The following CDX1 variants were observed in gnomAD, a reference collection of about 807,000 sequenced individuals.
CDX1 encodes the protein homeobox protein CDX-1.
CDX1 carries 9 observed loss-of-function variants against 16.9 expected under a neutral mutation model. The ratio of observed to expected loss-of-function variants is 0.53; its 90% CI spans 0.32 to 0.93. The LOEUF (loss-of-function observed/expected upper bound fraction) is 0.93. CDX1 is among the 40% of genes least tolerant of loss of function. The pLI is 0.04. For missense variants in CDX1, 393 were observed against 386.1 expected, an observed-to-expected ratio of 1.02 and a Z score of -0.15; for synonymous variants, 179 against 179.0, an observed-to-expected ratio of 1.00 and a Z score of 0.00.
intron 1 of CDX1, among the ~76,000 whole-genome samples, chr5:150,180,784 C>G (rs1161630804): frequency 6.6e-6 from 1 of 152,120 alleles, no homozygotes; most frequent in Non-Finnish European, 1.5e-5. Context: ...CACACAAGCC[C>G]AGGCCAAGCA....
At chr5:150,168,797 C>A (rs1019271614) in intron 1 of CDX1, among the ~76,000 whole-genome samples, 8 of 152,210 alleles carry the variant, frequency 5.3e-5, no homozygotes, top group African/African-American at 1.7e-4. Flanking sequence ...GTTCTACTGT[C>A]TGTGAAATTA....
intron 1 of CDX1, among the ~76,000 whole-genome samples, chr5:150,168,643 A>G (rs966276343): frequency 2.6e-5 from 4 of 152,246 alleles, no homozygotes; most frequent in African/African-American, 4.8e-5. Context: ...ACTATGGCAT[A>G]GAGAGTTTAA....
At chr5:150,168,339 G>A (rs552870311) in intron 1 of CDX1, among the ~76,000 whole-genome samples, 5 of 152,190 alleles carry the variant, frequency 3.3e-5, no homozygotes, top group Non-Finnish European at 7.3e-5. Flanking sequence ...CACCCAGCTT[G>A]CCTCGGGGCA....
rs1420617888 is a variant in CDX1, at chr5:150,167,156, C to T, written c.280C>T (p.Pro94Ser). 62 of 1,318,904 alleles carry T rather than the reference C, an allele frequency of 4.7e-5. No homozygotes were observed. Among genetic ancestry groups the T allele is most frequent in the Non-Finnish European group, 5.7e-5 (60 of 1,043,700 alleles). The allele number at this position is 1,318,904 out of a possible 1,614,324, so 81.7% of individuals were successfully genotyped here. A position where few individuals can be genotyped will look rare whatever the true frequency, so the allele number is the denominator to read the frequency against. The change falls in exon 1 of 3, where the codon CCC (proline) becomes TCC (serine). Residue 94 changes from proline (P) to serine (S), a missense_variant. Physicochemically the swap from Pro to Ser is moderately conservative, Grantham distance 74. Transcript: ENST00000231656. The part of the protein sequence containing the change: ...AASPASLAFG[P>S]PPDFSPVPAP... ...CAGCCCAGCTTCGCTGGCATTCGGGCCCCCTCCAGACTTTAGCCCGGTGCC... is the reference window on the plus strand; with the variant it reads ...CAGCCCAGCTTCGCTGGCATTCGGGTCCCCTCCAGACTTTAGCCCGGTGCC...
At chr5:150,177,645 C>T (rs73279807) in intron 1 of CDX1, among the ~76,000 whole-genome samples, 5,657 of 152,198 alleles carry the variant, frequency 0.037, 325 homozygotes, top group African/African-American at 0.12. Flanking sequence ...CCCAACTCCA[C>T]GGGTCATTGA....
intron 1 of CDX1, 135 bp downstream of exon 1, chr5:150,167,456 TG>T: frequency 1.9e-6 from 1 of 513,436 alleles, no homozygotes; most frequent in Non-Finnish European, 3.0e-6. Flanking sequence ...ACTCTCGCCC[TG>T]GGGGGCTGCT....
chr5:150,174,261 G>A (rs764659114), intron 1 of CDX1, among the ~76,000 whole-genome samples: 1 of 152,236 alleles, frequency 6.6e-6, no homozygotes, highest in African/African-American at 2.4e-5. Context: ...AGATGGCCAG[G>A]GGGGCAGTGG....
At chr5:150,179,058 T>C (rs1761608634) in intron 1 of CDX1, among the ~76,000 whole-genome samples, 1 of 152,192 alleles carries the variant, frequency 6.6e-6, no homozygotes, top group African/African-American at 2.4e-5. Flanking sequence ...GATCAGTTAC[T>C]GGAAGTGGGA....
intron 1 of CDX1, among the ~76,000 whole-genome samples, chr5:150,174,821 G>C (rs1176413817): frequency 6.7e-6 from 1 of 150,004 alleles, no homozygotes; most frequent in African/African-American, 2.5e-5. Flanking sequence ...TTGTCGCCCA[G>C]GCTGGACTGC....
chr5:150,167,065 G>A lies in CDX1; in HGVS notation c.189G>A (p.Ala63=), dbSNP rs1761433373. 4.2e-6 allele frequency: 6 copies of A among 1,417,744 alleles called. No individual in the cohort carries two copies. The highest frequency in any genetic ancestry group is 3.0e-5 in the Admixed American group (1 of 33,808). The allele number at this position is 1,417,744 out of a possible 1,614,324, so 87.8% of individuals were successfully genotyped here. Residue 63 remains alanine (A), a synonymous_variant, in exon 1 of 3, where the codon GCG becomes GCA. Coordinates refer to ENST00000231656, the MANE Select transcript of CDX1 (RefSeq NM_001804.3). ...CCGCGCCCCCGACGGCCTGGGGGGC[G>A]CCCTTCCCTGCGCCCAAGGACGACT... The part of the protein sequence containing the change: ...PAPAPPTAWG[A]PFPAPKDDWA...
In CDX1 at chr5:150,174,224, G is replaced by A. The variant is rs1341004552; in HGVS notation, c.445+6903G>A. Among the ~76,000 whole-genome samples, 4 of 152,358 alleles carry A rather than the reference G, an allele frequency of 2.6e-5. No individual in the cohort carries two copies. The South Asian group carries it at 6.2e-4, about 24-fold the overall frequency. On this transcript the variant is annotated intron_variant, in intron 1 of 2. Transcript: ENST00000231656. The stretch of plus-strand genomic sequence containing the variant: ...CCACACCTACAGTGGAGTAGCAAGG[G>A]CTTCACTCTCAGACTAGTCTAGTGG...
chr5:150,183,007 C>G, intron 2 of CDX1, 94 bp downstream of exon 2: 1 of 1,409,700 alleles, frequency 7.1e-7, no homozygotes, highest in Non-Finnish European at 9.5e-7. Flanking sequence ...AGAAGGAAAA[C>G]AGAGAGGTTG....
intron 1 of CDX1, among the ~76,000 whole-genome samples, chr5:150,181,991 G>A (rs936165383): frequency 1.5e-4 from 23 of 152,252 alleles, no homozygotes; most frequent in African/African-American, 4.8e-4. Flanking sequence ...GCTTGGTATC[G>A]TGAGCCAGAG....
chr5:150,168,926 G>A (rs1761469336), intron 1 of CDX1, among the ~76,000 whole-genome samples: 1 of 152,216 alleles, frequency 6.6e-6, no homozygotes, highest in Non-Finnish European at 1.5e-5. Flanking sequence ...GGGTTCTGGA[G>A]GCTACCAGAA....
At chr5:150,167,576 G>A (rs977452338) in intron 1 of CDX1, among the ~76,000 whole-genome samples, 4 of 152,190 alleles carry the variant, frequency 2.6e-5, no homozygotes, top group Non-Finnish European at 5.9e-5. Context: ...GTGCGGAAAT[G>A]CGCCTGCGGC....
At position 150,167,103 on chromosome 5, in the gene CDX1, A is replaced by G. The variant is rs1761434575; in HGVS notation, c.227A>G (p.Tyr76Cys). The G allele has an allele frequency of 7.4e-7, 1 of 1,359,312 alleles. No individual in the cohort carries two copies. The highest frequency in any genetic ancestry group is 3.1e-5 in the East Asian group (1 of 31,762). The allele number at this position is 1,359,312 out of a possible 1,614,324, so 84.2% of individuals were successfully genotyped here. ...PAPKDDWAAAYGPGPAAPAAS... is the reference protein window; with the variant it reads ...PAPKDDWAAACGPGPAAPAAS... ...CCCAAGGACGACTGGGCCGCCGCCTACGGCCCGGGCCCCGCGGCCCCTGCC... is the reference window on the plus strand; with the variant it reads ...CCCAAGGACGACTGGGCCGCCGCCTGCGGCCCGGGCCCCGCGGCCCCTGCC... Residue 76 changes from tyrosine to cysteine, a missense_variant, in exon 1 of 3, where the codon TAC becomes TGC. Transcript: ENST00000231656.
chr5:150,182,430 T>C (rs1193030500), intron 1 of CDX1, among the ~76,000 whole-genome samples: 1 of 152,268 alleles, frequency 6.6e-6, no homozygotes, highest in East Asian at 1.9e-4. Flanking sequence ...TTAAAGTTGT[T>C]GGAGCTGGCC....
At chr5:150,180,989 A>G (rs866017604) in intron 1 of CDX1, among the ~76,000 whole-genome samples, 1 of 152,126 alleles carries the variant, frequency 6.6e-6, no homozygotes, top group South Asian at 2.1e-4. Flanking sequence ...TCTGTTCTCC[A>G]TGCAGTAGCC....
chr5:150,183,433 C>A (rs2240782), intron 2 of CDX1, 41 bp from the exon 3 acceptor site: 48,931 of 1,520,792 alleles, frequency 0.032, 958 homozygotes, highest in East Asian at 0.079. Flanking sequence ...CTTTCACTCT[C>A]TCCCTGCTGC....
Sources: allele counts gnomAD v4.1 joint callset (sites outside exome capture counted in the v4.1 genomes callset), GRCh38; gene constraint gnomAD v4.1.1; transcripts MANE v1.5; gene names NCBI Gene and HGNC (gene_info 2026-07-23, HGNC 2026-07-21).